The following CNTN6 variants were observed in gnomAD, a reference collection of about 807,000 sequenced individuals.
The protein encoded by CNTN6 is contactin 6, also known as contactin-6.
CNTN6 carries 137 observed loss-of-function variants against 122.8 expected under a neutral mutation model. That is an observed-to-expected ratio of 1.12 (90% CI 0.97 to 1.29). The LOEUF is 1.29. Ranked by LOEUF, CNTN6 falls within the 50% of genes most tolerant of loss-of-function variation. The pLI is 0.00. For missense variants in CNTN6, 1,634 were observed against 1,223.4 expected (o/e 1.34, Z -5.01); for synonymous variants, 570 against 426.0 (o/e 1.34, Z -4.16).
chr3:1,373,177 A>G (rs1037463509), intron 14 of CNTN6, among the ~76,000 whole-genome samples: 23 of 152,278 alleles, frequency 1.5e-4, no homozygotes, highest in Admixed American at 1.4e-3. Flanking sequence ...TTTGACTATC[A>G]TGAACGGTCA....
chr3:1,105,840 C>A (rs1185778203), intron 1 of CNTN6, among the ~76,000 whole-genome samples: 1 of 152,092 alleles, frequency 6.6e-6, no homozygotes, highest in East Asian at 1.9e-4. Flanking sequence ...TCTAAGTATA[C>A]TAGAGAAACA....
At chr3:1,318,539 A>G (rs1700426195) in intron 7 of CNTN6, among the ~76,000 whole-genome samples, 1 of 151,800 alleles carries the variant, frequency 6.6e-6, no homozygotes, top group South Asian at 2.1e-4. Flanking sequence ...CAAGTGATTT[A>G]TTAGATGAGT....
Position 1,388,715 on chromosome 3 carries a change from T to A in CNTN6, c.2704+2918T>A, listed in dbSNP as rs954014926. 7.0e-4 allele frequency among the ~76,000 whole-genome samples: 103 copies of A among 147,568 alleles called. 1 individual carries two copies. Among genetic ancestry groups the A allele is most frequent in the African/African-American group, 2.5e-3 (99 of 39,786 alleles). On this transcript the variant is annotated intron_variant, in intron 20 of 22. Transcript: ENST00000446702. Reference sequence around the variant, plus strand: ...AGAATAACCAATATAGAGAAGTGCTTAAAGGAGCTGATGGAGCTGAAAACC... The same window carrying A: ...AGAATAACCAATATAGAGAAGTGCTAAAAGGAGCTGATGGAGCTGAAAACC...
intron 4 of CNTN6, among the ~76,000 whole-genome samples, chr3:1,254,462 C>A (rs956736262): frequency 3.9e-5 from 6 of 152,086 alleles, no homozygotes; most frequent in Non-Finnish European, 7.4e-5. Flanking sequence ...AAAATTTAAT[C>A]CTGTTTTTTC....
At chr3:1,347,815 A>G (rs1704965880) in intron 11 of CNTN6, among the ~76,000 whole-genome samples, 1 of 152,078 alleles carries the variant, frequency 6.6e-6, no homozygotes, top group Admixed American at 6.6e-5. Flanking sequence ...AAGAACACAG[A>G]CAAGAGGTTG....
intron 7 of CNTN6, among the ~76,000 whole-genome samples, chr3:1,302,027 C>T (rs1697515589): frequency 6.6e-6 from 1 of 151,962 alleles, no homozygotes; most frequent in Non-Finnish European, 1.5e-5. Context: ...ATAAAATTAA[C>T]AAGCATAAAA....
chr3:1,162,590 T>C (rs1023943953), intron 2 of CNTN6, among the ~76,000 whole-genome samples: 1 of 152,264 alleles, frequency 6.6e-6, no homozygotes, highest in African/African-American at 2.4e-5. Context: ...TAACTTGATA[T>C]ATCTAAGTTC....
At chr3:1,161,961 C>G (rs1403191216) in intron 2 of CNTN6, among the ~76,000 whole-genome samples, 2 of 151,826 alleles carry the variant, frequency 1.3e-5, no homozygotes, top group Non-Finnish European at 2.9e-5. Flanking sequence ...AATTGAAGAA[C>G]AAAGATAACA....
At chr3:1,394,837 AT>A (rs1694786429) in intron 20 of CNTN6, among the ~76,000 whole-genome samples, 1 of 152,180 alleles carries the variant, frequency 6.6e-6, no homozygotes, top group South Asian at 2.1e-4. Flanking sequence ...CGTATGATCA[AT>A]TTGTCAAAGA....
intron 1 of CNTN6, among the ~76,000 whole-genome samples, chr3:1,142,460 G>C (rs557367756): frequency 6.6e-6 from 1 of 152,068 alleles, no homozygotes; most frequent in African/African-American, 2.4e-5. Context: ...TACATAGATG[G>C]TATTCTTGTT....
intron 1 of CNTN6, among the ~76,000 whole-genome samples, chr3:1,094,175 G>T (rs1290374438): frequency 6.6e-6 from 1 of 152,076 alleles, no homozygotes; most frequent in Non-Finnish European, 1.5e-5. Flanking sequence ...TATCTGATGG[G>T]TTTATCATCT....
chr3:1,304,396 A>G (rs539545863), intron 7 of CNTN6, among the ~76,000 whole-genome samples: 1 of 152,270 alleles, frequency 6.6e-6, no homozygotes, highest in African/African-American at 2.4e-5. Context: ...TGTAAGTTGC[A>G]TAAGTTGCAT....
At chr3:1,303,086 C>G (rs969737038) in intron 7 of CNTN6, among the ~76,000 whole-genome samples, 10 of 152,140 alleles carry the variant, frequency 6.6e-5, no homozygotes, top group South Asian at 2.1e-4. Flanking sequence ...TATTTTATTT[C>G]CAGCATTTCC....
At chr3:1,402,585 G>T in intron 22 of CNTN6, 99 bp downstream of exon 22, 1 of 990,602 alleles carries the variant, frequency 1.0e-6, no homozygotes, top group Non-Finnish European at 1.4e-6. Context: ...TTAAATGTTG[G>T]GTGATAAGAT....
At chr3:1,222,388 T>C (rs1438507624) in intron 3 of CNTN6, among the ~76,000 whole-genome samples, 1 of 152,190 alleles carries the variant, frequency 6.6e-6, no homozygotes, top group Non-Finnish European at 1.5e-5. Context: ...AGGTTGATCC[T>C]AGGGGTTAGT....
Position 1,248,419 on chromosome 3 carries a change from C to G in CNTN6, c.358+20426C>G, listed in dbSNP as rs572242602. The stretch of plus-strand genomic sequence containing the variant: ...CTTCCTACAGTTATTTCTAATTAAA[C>G]AGGATAATCTAGTTTAATCCTCAAA... On this transcript the variant is annotated intron_variant, in intron 4 of 22. Transcript: ENST00000446702. Among the ~76,000 whole-genome samples, 4 of 152,244 alleles carry G rather than the reference C, an allele frequency of 2.6e-5. No individual in the cohort carries two copies. The South Asian group carries it at 8.3e-4, about 32-fold the overall frequency.
chr3:1,127,781 A>C (rs1379500404), intron 1 of CNTN6, among the ~76,000 whole-genome samples: 1 of 151,834 alleles, frequency 6.6e-6, no homozygotes, highest in Non-Finnish European at 1.5e-5. Context: ...ATTTTTTTCC[A>C]AATTTTTCAG....
At chr3:1,364,405 C>G (rs571934453) in intron 12 of CNTN6, among the ~76,000 whole-genome samples, 51 of 151,954 alleles carry the variant, frequency 3.4e-4, no homozygotes, top group Middle Eastern at 3.4e-3. Flanking sequence ...ATTTTTCTTA[C>G]ACTTTTGTCT....
chr3:1,132,694 G>A (rs1050184855), intron 1 of CNTN6, among the ~76,000 whole-genome samples: 92 of 88,446 alleles, frequency 1.0e-3, no homozygotes, highest in African/African-American at 3.4e-3. Flanking sequence ...AATAAATAAC[G>A]TGAAGATGTT....
Sources: gnomAD v4.1 joint callset for allele counts (sites outside exome capture counted in the v4.1 genomes callset) on GRCh38, gnomAD v4.1.1 for gene constraint, MANE v1.5 for transcripts, NCBI Gene and HGNC (gene_info 2026-07-23, HGNC 2026-07-21) for gene names.